FOXO1: variants seen among roughly 807,000 people sequenced by gnomAD.
FOXO1 encodes forkhead box O1.
In FOXO1, 6 loss-of-function variants were observed where a neutral mutation model predicts 44.1. The ratio of observed to expected loss-of-function variants is 0.14; its 90% confidence interval spans 0.07 to 0.27. The LOEUF is 0.27. FOXO1 is among the 10% of genes least tolerant of loss of function. FOXO1 has a pLI of 1.00. For missense variants in FOXO1, 737 were observed against 888.8 expected, an observed-to-expected ratio of 0.83 and a Z score of 2.17; for synonymous variants, 380 against 362.7, an observed-to-expected ratio of 1.05 and a Z score of -0.54.
chr13:40,631,728 G>A (rs1261488635), intron 1 of FOXO1, among the ~76,000 whole-genome samples: 3 of 152,184 alleles, frequency 2.0e-5, no homozygotes, highest in Non-Finnish European at 4.4e-5. Context: ...CATAGAGACA[G>A]AAAGTAGAAT....
intron 1 of FOXO1, among the ~76,000 whole-genome samples, chr13:40,568,241 T>C (rs1296915195): frequency 6.6e-6 from 1 of 152,212 alleles, no homozygotes; most frequent in African/African-American, 2.4e-5. Context: ...AATGAACTCA[T>C]TGTCCCAGAA....
intron 1 of FOXO1, among the ~76,000 whole-genome samples, chr13:40,648,525 AG>A (rs1409723149): frequency 6.6e-6 from 1 of 152,250 alleles, no homozygotes; most frequent in Admixed American, 6.5e-5. Context: ...TTCCATAAAA[AG>A]CATGTGCATT....
chr13:40,665,250 G>A (rs1878188922), intron 1 of FOXO1, among the ~76,000 whole-genome samples: 1 of 152,112 alleles, frequency 6.6e-6, no homozygotes, highest in African/African-American at 2.4e-5. Context: ...GCGCGGGCCG[G>A]GGGTTGCCGC....
chr13:40,568,337 C>A (rs965527545), intron 1 of FOXO1, among the ~76,000 whole-genome samples: 1 of 152,172 alleles, frequency 6.6e-6, no homozygotes, highest in Non-Finnish European at 1.5e-5. Context: ...TCAATGTGTG[C>A]GATTGTTATG....
intron 1 of FOXO1, among the ~76,000 whole-genome samples, chr13:40,561,956 A>AAG (rs2137825278): frequency 6.6e-6 from 1 of 151,890 alleles, no homozygotes; most frequent in East Asian, 1.9e-4. Flanking sequence ...AAAAAAAAAA[A>AAG]AAAAAAGAAT....
chr13:40,621,345 G>A (rs113877461), intron 1 of FOXO1: 5 of 501,016 alleles, frequency 1.0e-5, no homozygotes, highest in African/African-American at 4.1e-5. Context: ...AGCAAACAAT[G>A]GGTAAAAGTG....
chr13:40,564,559 G>A lies in FOXO1; in HGVS notation c.631-3699C>T, dbSNP rs371806308. On this transcript the variant is annotated intron_variant, in intron 1 of 2. Transcript: ENST00000379561. The stretch of plus-strand genomic sequence containing the variant: ...GTAAAAATGTGTTGCTATTAACGAC[G>A]TTGTGTCTGCACTCCCCTACTGGCC... Among the ~76,000 whole-genome samples, 129 of 152,308 alleles carry A rather than the reference G, an allele frequency of 8.5e-4. 2 individuals carry two copies. The highest frequency in any genetic ancestry group is 8.3e-3 in the East Asian group (43 of 5,188).
At chr13:40,620,494 G>T in intron 1 of FOXO1, 1 of 546,004 alleles carries the variant, frequency 1.8e-6, no homozygotes, top group East Asian at 4.1e-5. Flanking sequence ...ACTGGGTCTG[G>T]AGAATCTAGT....
intron 1 of FOXO1, among the ~76,000 whole-genome samples, chr13:40,655,897 A>G (rs998494788): frequency 2.1e-4 from 32 of 152,108 alleles, no homozygotes; most frequent in African/African-American, 7.2e-4. Flanking sequence ...TCAACCTCCC[A>G]AAGTGCTGGG....
At chr13:40,623,630 A>C (rs1226252151) in intron 1 of FOXO1, among the ~76,000 whole-genome samples, 2 of 152,216 alleles carry the variant, frequency 1.3e-5, no homozygotes, top group Non-Finnish European at 2.9e-5. Context: ...CTTAGGCTGC[A>C]TTAACAAATG....
In FOXO1 at chr13:40,640,777, T is replaced by C. The variant is rs2137922548; in HGVS notation, c.630+24806A>G. On this transcript the variant is annotated intron_variant, in intron 1 of 2. Coordinates refer to ENST00000379561, the MANE Select transcript of FOXO1 (RefSeq NM_002015.4). ...ATTTCTTTTGTTGTTGTTGTTGTTG[T>C]TGTTGTTGTTGTTGTTGTTGTTTGA... is the stretch of plus-strand genomic sequence containing the variant. Among the ~76,000 whole-genome samples the C allele has an allele frequency of 2.5e-5, 3 of 120,570 alleles. No individual in the cohort carries two copies. The South Asian group carries it at 9.3e-4, about 37-fold the overall frequency. 79.1% of individuals were successfully genotyped at this position (120,570 alleles called of 152,430 possible).
In FOXO1 at chr13:40,559,986, G is replaced by A. The variant is rs751383976; in HGVS notation, c.1505C>T (p.Ser502Leu). 121 of 1,614,058 alleles carry A rather than the reference G, an allele frequency of 7.5e-5. No homozygotes were observed. The highest frequency in any genetic ancestry group is 4.9e-4 in the Middle Eastern group (3 of 6,084). ...CTGGCTGCCATAGGTTGACATGACC[G>A]AATTAGGGCCCATCATGACGTTCTG... ...LGQNVMMGPN[S>L]VMSTYGSQAS... The change falls in exon 2 of 3, where the codon TCG (serine) becomes TTG (leucine). Residue 502 changes from serine to leucine, a missense_variant. Transcript: ENST00000379561.
At chr13:40,561,501 A>C (rs1874015990) in intron 1 of FOXO1, among the ~76,000 whole-genome samples, 1 of 152,174 alleles carries the variant, frequency 6.6e-6, no homozygotes, top group African/African-American at 2.4e-5. Context: ...TTGCTTAGCT[A>C]CAATAGTACT....
chr13:40,597,328 T>C (rs1203355248), intron 1 of FOXO1, among the ~76,000 whole-genome samples: 12 of 152,222 alleles, frequency 7.9e-5, no homozygotes, highest in Admixed American at 7.9e-4. Context: ...TCACCCAGCC[T>C]TGGAGCCTGT....
At chr13:40,624,317 T>TAAAAAAAAAAAAAAAAAAAAAAAAA (rs10552634) in intron 1 of FOXO1, among the ~76,000 whole-genome samples, 1 of 100,950 alleles carries the variant, frequency 9.9e-6, no homozygotes, top group Non-Finnish European at 2.1e-5. Flanking sequence ...TAATACTGCT[T>TAAAAAAAAAAAAAAAAAAAAAAAAA]AAAAAAAAAA....
chr13:40,662,776 T>G (rs1362586902), intron 1 of FOXO1, among the ~76,000 whole-genome samples: 1 of 152,198 alleles, frequency 6.6e-6, no homozygotes, highest in African/African-American at 2.4e-5. Flanking sequence ...AGGAAATATT[T>G]TGTGCCAAAG....
intron 1 of FOXO1, among the ~76,000 whole-genome samples, chr13:40,653,752 G>C (rs1331755038): frequency 6.6e-6 from 1 of 152,078 alleles, no homozygotes; most frequent in African/African-American, 2.4e-5. Flanking sequence ...TTTTAACTGA[G>C]CAAAAACCCA....
intron 1 of FOXO1, among the ~76,000 whole-genome samples, chr13:40,639,921 A>C (rs1196119452): frequency 2.0e-5 from 3 of 152,242 alleles, no homozygotes; most frequent in Non-Finnish European, 4.4e-5. Flanking sequence ...CCAATCCCTC[A>C]ATCCTCACGA....
At chr13:40,601,586 A>G (rs893771571) in intron 1 of FOXO1, among the ~76,000 whole-genome samples, 1 of 152,242 alleles carries the variant, frequency 6.6e-6, no homozygotes, top group Non-Finnish European at 1.5e-5. Context: ...AAACCTGAAT[A>G]AATCTTCTGA....
Sources: allele counts gnomAD v4.1 joint callset (sites outside exome capture counted in the v4.1 genomes callset), GRCh38; gene constraint gnomAD v4.1.1; transcripts MANE v1.5; gene names NCBI Gene and HGNC (gene_info 2026-07-23, HGNC 2026-07-21).